RALGPS1: variants seen among roughly 807,000 people sequenced by gnomAD.
The protein encoded by RALGPS1 is Ral GEF with PH domain and SH3 binding motif 1.
Under a neutral mutation model 78.8 loss-of-function variants are expected in RALGPS1, and 19 were observed. That is an observed-to-expected ratio of 0.24 (90% CI 0.17 to 0.35). The LOEUF (loss-of-function observed/expected upper bound fraction) is 0.35. Ranked by LOEUF, RALGPS1 falls within the 10% of genes least tolerant of loss-of-function variation. The pLI, the probability that RALGPS1 is intolerant of heterozygous loss-of-function variation, is 1.00. For synonymous variants in RALGPS1, 228 were observed against 256.3 expected, an observed-to-expected ratio of 0.89 and a Z score of 1.06; for missense variants, 454 against 688.3, an observed-to-expected ratio of 0.66 and a Z score of 3.81.
intron 8 of RALGPS1, among the ~76,000 whole-genome samples, chr9:127,084,719 TCA>T (rs971322911): frequency 2.6e-5 from 4 of 152,228 alleles, no homozygotes; most frequent in African/African-American, 9.7e-5. Context: ...TCTATACTTC[TCA>T]CACAGTGTCA....
intron 4 of RALGPS1, among the ~76,000 whole-genome samples, chr9:126,999,636 A>G (rs1301057572): frequency 6.6e-6 from 1 of 152,060 alleles, no homozygotes; most frequent in Non-Finnish European, 1.5e-5. Flanking sequence ...TGTTTTCTTC[A>G]TGTCTTTTCA....
chr9:127,193,868 A>G (rs2779711), intron 11 of RALGPS1, among the ~76,000 whole-genome samples: 144,040 of 152,284 alleles, frequency 0.95, 68,152 homozygotes, highest in Admixed American at 0.96. Flanking sequence ...CCAGGGCCTG[A>G]CCCAGATAGC....
chr9:126,966,953 G>A (rs2039565616), intron 3 of RALGPS1, among the ~76,000 whole-genome samples: 1 of 152,134 alleles, frequency 6.6e-6, no homozygotes, highest in African/African-American at 2.4e-5. Context: ...CCTCAAACCT[G>A]ATTGAGAGTG....
At chr9:127,139,692 G>T (rs1011346841) in intron 8 of RALGPS1, among the ~76,000 whole-genome samples, 13 of 152,224 alleles carry the variant, frequency 8.5e-5, no homozygotes, top group African/African-American at 3.1e-4. Context: ...TCAGGCGTGT[G>T]GTGTGGGTGG....
intron 1 of RALGPS1, among the ~76,000 whole-genome samples, chr9:126,956,059 C>G (rs778312216): frequency 6.6e-6 from 1 of 152,210 alleles, no homozygotes; most frequent in Admixed American, 6.5e-5. Context: ...ACCAGACTGT[C>G]CCTGCATGGG....
intron 8 of RALGPS1, among the ~76,000 whole-genome samples, chr9:127,159,052 T>C (rs865867582): frequency 1.6e-4 from 24 of 152,218 alleles, no homozygotes; most frequent in African/African-American, 5.8e-4. Context: ...GTCAGTTTCT[T>C]CTCTATTCCC....
intron 7 of RALGPS1, among the ~76,000 whole-genome samples, chr9:127,064,755 A>G (rs1042299045): frequency 6.6e-6 from 1 of 152,248 alleles, no homozygotes; most frequent in African/African-American, 2.4e-5. Flanking sequence ...TGTTAAATGA[A>G]TATTTGGTGT....
chr9:127,181,214 G>C (rs1393110756), intron 11 of RALGPS1, among the ~76,000 whole-genome samples: 5 of 152,252 alleles, frequency 3.3e-5, no homozygotes, highest in Non-Finnish European at 7.3e-5. Context: ...CAGCACCTCA[G>C]CTGTTCCACA....
At chr9:127,005,538 G>A (rs1018015990) in intron 4 of RALGPS1, among the ~76,000 whole-genome samples, 1 of 152,182 alleles carries the variant, frequency 6.6e-6, no homozygotes, top group Admixed American at 6.5e-5. Flanking sequence ...GGTTTCATCA[G>A]AGCCAGGCCT....
At chr9:127,032,862 A>T (rs1379089962) in intron 4 of RALGPS1, among the ~76,000 whole-genome samples, 1 of 152,228 alleles carries the variant, frequency 6.6e-6, no homozygotes, top group African/African-American at 2.4e-5. Context: ...CCAAGTGCAA[A>T]TATATGTCAT....
chr9:127,210,702 C>T (rs1415485335), intron 14 of RALGPS1: 8 of 1,550,336 alleles, frequency 5.2e-6, no homozygotes, highest in Admixed American at 2.0e-5. Context: ...AAGCAGGGGA[C>T]GTCTCTATGC....
chr9:127,196,697 G>A, intron 13 of RALGPS1, 66 bp downstream of exon 13: 1 of 1,482,842 alleles, frequency 6.7e-7, no homozygotes, highest in Non-Finnish European at 9.0e-7. Flanking sequence ...CTCCGTGTCT[G>A]TCTCTGTGTC....
At chr9:127,088,735 G>C in intron 8 of RALGPS1, 1 of 617,534 alleles carries the variant, frequency 1.6e-6, no homozygotes. Context: ...GGGCTGTCTG[G>C]TGTGAAGGAA....
intron 5 of RALGPS1, among the ~76,000 whole-genome samples, chr9:127,042,800 G>A (rs1412010808): frequency 2.0e-5 from 3 of 152,122 alleles, no homozygotes; most frequent in African/African-American, 7.2e-5. Flanking sequence ...AATACTCCTG[G>A]AACTAAGAAG....
intron 4 of RALGPS1, among the ~76,000 whole-genome samples, chr9:127,027,842 T>C (rs2046087907): frequency 1.3e-5 from 2 of 152,244 alleles, no homozygotes; most frequent in African/African-American, 4.8e-5. Context: ...CAGCACTTAC[T>C]AGCCATGTGA....
chr9:127,154,259 T>G (rs1418103644), intron 8 of RALGPS1, among the ~76,000 whole-genome samples: 1 of 152,246 alleles, frequency 6.6e-6, no homozygotes, highest in Non-Finnish European at 1.5e-5. Flanking sequence ...CTGGGCCAGC[T>G]GGATCTGGCC....
At chr9:126,920,842 A>T (rs1053329484) in intron 1 of RALGPS1, among the ~76,000 whole-genome samples, 2 of 152,204 alleles carry the variant, frequency 1.3e-5, no homozygotes, top group Admixed American at 6.5e-5. Flanking sequence ...TGGCCATAAC[A>T]GAGAACCTCT....
At chr9:127,202,710 C>T (rs1358229928) in intron 14 of RALGPS1, among the ~76,000 whole-genome samples, 2 of 152,158 alleles carry the variant, frequency 1.3e-5, no homozygotes, top group East Asian at 1.9e-4. Context: ...AGAATGAGGA[C>T]AGGGTGGTGA....
chr9:126,923,155 G>A (rs1006205364), intron 1 of RALGPS1, among the ~76,000 whole-genome samples: 5 of 152,190 alleles, frequency 3.3e-5, no homozygotes, highest in East Asian at 1.9e-4. Context: ...TTGTTAGATC[G>A]GAGGTTCTGT....
Sources: allele counts gnomAD v4.1 joint callset (sites outside exome capture counted in the v4.1 genomes callset), GRCh38; gene constraint gnomAD v4.1.1; transcripts MANE v1.5; gene names NCBI Gene and HGNC (gene_info 2026-07-23, HGNC 2026-07-21).